The following MCC variants were observed in gnomAD, a reference collection of about 807,000 sequenced individuals.
MCC encodes the protein MCC regulator of Wnt signaling pathway, also known as colorectal mutant cancer protein.
MCC carries 90 observed loss-of-function variants against 116.2 expected under a neutral mutation model. That is an observed-to-expected ratio of 0.77 (90% CI 0.65 to 0.92). The LOEUF (loss-of-function observed/expected upper bound fraction) is 0.92. Among genes scored for constraint, MCC ranks in the 40% least tolerant of loss-of-function variants. The probability of loss-of-function intolerance (pLI) is 0.00; values close to 1 mark genes in which losing one functional copy is unlikely to be tolerated. For synonymous variants in MCC, 578 were observed against 510.5 expected (o/e 1.13, Z -1.78); for missense variants, 1,516 against 1,312.2 (o/e 1.16, Z -2.40).
chr5:113,470,817 C>A (rs1449334994), intron 1 of MCC, among the ~76,000 whole-genome samples: 1 of 151,816 alleles, frequency 6.6e-6, no homozygotes, highest in Non-Finnish European at 1.5e-5. Flanking sequence ...TCAGGTATAC[C>A]AATCAGATGT....
intron 3 of MCC, among the ~76,000 whole-genome samples, chr5:113,307,107 T>C (rs952808143): frequency 6.6e-6 from 1 of 152,238 alleles, no homozygotes; most frequent in African/African-American, 2.4e-5. Flanking sequence ...TCCAACTTTG[T>C]TCTTCTTCAG....
chr5:113,422,319 T>C (rs1226038789), intron 1 of MCC, among the ~76,000 whole-genome samples: 2 of 152,178 alleles, frequency 1.3e-5, no homozygotes, highest in East Asian at 1.9e-4. Flanking sequence ...CCCAAGAGCA[T>C]GGATAACTGT....
intron 3 of MCC, among the ~76,000 whole-genome samples, chr5:113,210,407 T>TGGAATATGA (rs1554066968): frequency 6.6e-6 from 1 of 151,954 alleles, no homozygotes; most frequent in Non-Finnish European, 1.5e-5. Flanking sequence ...TGTTTTAGTC[T>TGGAATATGA]GGAATATAAG....
In MCC at chr5:113,049,076, A is replaced by G. The variant is rs370654573; in HGVS notation, c.2655+17T>C. The G allele has an allele frequency of 6.8e-6, 11 of 1,613,664 alleles. No individual in the cohort carries two copies. The highest frequency in any genetic ancestry group is 1.6e-4 in the Middle Eastern group (1 of 6,084). On this transcript the variant is annotated intron_variant, in intron 16 of 18. Transcript: ENST00000408903. ...GTCACTGAGCCTAAGGGTGTCCCCAAGCCACTCCGGCCCTACCTTGCCAGG... is the reference window on the plus strand; with the variant it reads ...GTCACTGAGCCTAAGGGTGTCCCCAGGCCACTCCGGCCCTACCTTGCCAGG...
intron 3 of MCC, among the ~76,000 whole-genome samples, chr5:113,330,445 C>T (rs1767671645): frequency 6.6e-6 from 1 of 152,190 alleles, no homozygotes; most frequent in East Asian, 1.9e-4. Flanking sequence ...GAAAACCTTA[C>T]TACCCCAAAG....
intron 3 of MCC, among the ~76,000 whole-genome samples, chr5:113,321,028 A>G (rs1314827141): frequency 6.6e-6 from 1 of 152,240 alleles, no homozygotes; most frequent in Non-Finnish European, 1.5e-5. Flanking sequence ...AAGCATAGGC[A>G]TGAAACAATA....
intron 1 of MCC, 79 bp from the exon 2 acceptor site, chr5:113,385,291 G>T (rs1357335872): frequency 7.3e-7 from 1 of 1,375,134 alleles, no homozygotes; most frequent in African/African-American, 1.5e-5. Flanking sequence ...AAAAAAAAAA[G>T]GTATTTCTTA....
intron 1 of MCC, among the ~76,000 whole-genome samples, chr5:113,469,207 T>C (rs918127958): frequency 1.3e-5 from 2 of 152,226 alleles, no homozygotes; most frequent in Non-Finnish European, 2.9e-5. Context: ...ATCTTAGTTA[T>C]TTCTTGCCTT....
At chr5:113,213,735 T>G (rs1763212862) in intron 3 of MCC, among the ~76,000 whole-genome samples, 1 of 152,158 alleles carries the variant, frequency 6.6e-6, no homozygotes, top group Admixed American at 6.5e-5. Context: ...AAAGTAAGGT[T>G]GGTTTCTAAT....
intron 3 of MCC, among the ~76,000 whole-genome samples, chr5:113,153,402 G>A (rs1003088246): frequency 6.6e-6 from 1 of 152,158 alleles, no homozygotes; most frequent in African/African-American, 2.4e-5. Context: ...CACACACAGA[G>A]TACTTACTTC....
chr5:113,188,316 C>A (rs893106911), intron 3 of MCC, among the ~76,000 whole-genome samples: 1 of 152,096 alleles, frequency 6.6e-6, no homozygotes, highest in Non-Finnish European at 1.5e-5. Context: ...CATTGTTTAC[C>A]AAAAGGAGGC....
intron 2 of MCC, among the ~76,000 whole-genome samples, chr5:113,343,661 T>G (rs11948437): frequency 6.6e-6 from 1 of 152,208 alleles, no homozygotes; most frequent in Non-Finnish European, 1.5e-5. Context: ...ACCGTGCACA[T>G]GGCCTGTGAC....
At chr5:113,364,061 G>A (rs578007498) in intron 2 of MCC, among the ~76,000 whole-genome samples, 17 of 151,886 alleles carry the variant, frequency 1.1e-4, no homozygotes, top group East Asian at 3.9e-4. Flanking sequence ...GTGAAACCTC[G>A]TCTGTACTAA....
At position 113,160,115 on chromosome 5, in the gene MCC, C is replaced by T. The variant is rs182665262; in HGVS notation, c.628-8693G>A. 2.6e-5 allele frequency among the ~76,000 whole-genome samples: 4 copies of T among 152,306 alleles called. No individual in the cohort carries two copies. The East Asian group carries it at 7.7e-4, about 29-fold the overall frequency. ...ACCATTTATACAAGAAAGATTAACC[C>T]TACCCAAGGATGGCTGATATAGGGA... On this transcript the variant is annotated intron_variant, in intron 3 of 18. Coordinates refer to ENST00000408903, the MANE Select transcript of MCC (RefSeq NM_001085377.2).
chr5:113,419,958 A>C (rs11741916), intron 1 of MCC, among the ~76,000 whole-genome samples: 27,301 of 150,238 alleles, frequency 0.18, 2,953 homozygotes, highest in Admixed American at 0.3. Flanking sequence ...CCAACATGGC[A>C]CATGTATACA....
intron 13 of MCC, among the ~76,000 whole-genome samples, chr5:113,067,858 TCTTG>T (rs1753731470): frequency 6.6e-6 from 1 of 152,220 alleles, no homozygotes; most frequent in Non-Finnish European, 1.5e-5. Context: ...TCCTAAGAAG[TCTTG>T]TTTGTTTTAA....
chr5:113,276,669 C>T (rs1765834917), intron 3 of MCC, among the ~76,000 whole-genome samples: 1 of 152,136 alleles, frequency 6.6e-6, no homozygotes, highest in Admixed American at 6.5e-5. Context: ...CTCTGTTGCC[C>T]AGGCTGGAGT....
Position 113,068,079 on chromosome 5 carries a change from C to T in MCC, c.2029+1G>A. On this transcript the variant is annotated splice_donor_variant, in intron 13 of 18. Transcript: ENST00000408903. LOFTEE classifies it high-confidence loss of function. ...GGAAGAGGGACTCTGGAGACACTTA[C>T]CAGGGGAGGACCCCACGCCCGCCGC... 1 of 1,613,536 alleles carries T rather than the reference C, an allele frequency of 6.2e-7. No homozygotes were observed. Among genetic ancestry groups the T allele is most frequent in the Non-Finnish European group, 8.5e-7 (1 of 1,179,462 alleles).
At chr5:113,093,812 G>A (rs1755818569) in intron 8 of MCC, among the ~76,000 whole-genome samples, 2 of 152,118 alleles carry the variant, frequency 1.3e-5, no homozygotes, top group South Asian at 4.1e-4. Context: ...GTCCTGAGCA[G>A]GATCAGAAAC....
Sources: allele counts gnomAD v4.1 joint callset (sites outside exome capture counted in the v4.1 genomes callset), GRCh38; gene constraint gnomAD v4.1.1; transcripts MANE v1.5; gene names NCBI Gene and HGNC (gene_info 2026-07-23, HGNC 2026-07-21).